SPTLC3: variants seen among roughly 807,000 people sequenced by gnomAD.
SPTLC3 encodes serine palmitoyltransferase long chain base subunit 3.
SPTLC3 carries 36 observed loss-of-function variants against 59.3 expected under a neutral mutation model. The ratio of observed to expected loss-of-function variants is 0.61; its 90% confidence interval spans 0.47 to 0.80. SPTLC3 has a LOEUF of 0.80. SPTLC3 is among the 30% of genes least tolerant of loss of function. The probability of loss-of-function intolerance (pLI) is 0.00; values close to 1 mark genes in which losing one functional copy is unlikely to be tolerated. For synonymous variants in SPTLC3, 257 were observed against 240.8 expected (o/e 1.07, Z -0.62); for missense variants, 625 against 685.1 (o/e 0.91, Z 0.98).
intron 4 of SPTLC3, among the ~76,000 whole-genome samples, chr20:13,081,113 C>T (rs977946515): frequency 6.6e-6 from 1 of 152,138 alleles, no homozygotes; most frequent in Non-Finnish European, 1.5e-5. Context: ...TTGAGGACAG[C>T]TTCCCAGGAC....
intron 1 of SPTLC3, among the ~76,000 whole-genome samples, chr20:13,037,906 A>C (rs1568573095): frequency 6.6e-6 from 1 of 151,994 alleles, no homozygotes. Flanking sequence ...GAAGAGAGAG[A>C]TGGATGAGAC....
intron 8 of SPTLC3, among the ~76,000 whole-genome samples, chr20:13,124,055 C>T (rs2037930180): frequency 6.6e-6 from 1 of 152,210 alleles, no homozygotes; most frequent in Non-Finnish European, 1.5e-5. Context: ...TCCGGATACC[C>T]TGTGGCTGAT....
chr20:13,139,284 T>A (rs1285285886), intron 9 of SPTLC3, among the ~76,000 whole-genome samples: 1 of 152,226 alleles, frequency 6.6e-6, no homozygotes, highest in African/African-American at 2.4e-5. Flanking sequence ...TTTTGAGTCT[T>A]TGAAAATTTT....
chr20:13,052,262 C>A (rs553458795), intron 2 of SPTLC3, among the ~76,000 whole-genome samples: 1 of 152,102 alleles, frequency 6.6e-6, no homozygotes, highest in East Asian at 1.9e-4. Context: ...ACCTGGGAAG[C>A]GCAAGGGGTT....
In SPTLC3 at chr20:13,166,991, A is replaced by C. The variant is rs2038992160; in HGVS notation, c.*2124A>C. 1 of 152,210 alleles carries C rather than the reference A, an allele frequency of 6.6e-6. No homozygotes were observed. Among genetic ancestry groups the C allele is most frequent in the Non-Finnish European group, 1.5e-5 (1 of 68,040 alleles). 9.4% of individuals were successfully genotyped at this position (152,210 alleles called of 1,614,324 possible). On this transcript the variant is annotated 3_prime_UTR_variant, in exon 12 of 12. Transcript: ENST00000399002. ...TACAGGGGCAATTTATTACACTGCA[A>C]TGTACAAAACAAAAGGACCTGTTTC...
At chr20:13,032,882 T>G (rs1010688364) in intron 1 of SPTLC3, among the ~76,000 whole-genome samples, 1 of 152,138 alleles carries the variant, frequency 6.6e-6, no homozygotes, top group Non-Finnish European at 1.5e-5. Context: ...TCTTATGAAC[T>G]GACCTGATTA....
intron 9 of SPTLC3, among the ~76,000 whole-genome samples, chr20:13,141,744 G>C (rs1344609177): frequency 6.6e-6 from 1 of 152,208 alleles, no homozygotes; most frequent in African/African-American, 2.4e-5. Context: ...ATGGTTTCAG[G>C]CCCCTGGCAT....
intron 7 of SPTLC3, among the ~76,000 whole-genome samples, chr20:13,112,270 C>T (rs1160242743): frequency 1.3e-5 from 2 of 152,214 alleles, no homozygotes; most frequent in African/African-American, 4.8e-5. Context: ...ACTTGCACAT[C>T]TGGCCCTCGG....
At chr20:13,099,884 C>T (rs577589346) in intron 6 of SPTLC3, among the ~76,000 whole-genome samples, 37 of 152,294 alleles carry the variant, frequency 2.4e-4, no homozygotes, top group Admixed American at 2.1e-3. Context: ...CACAACCAGT[C>T]CAGATAGAAG....
At chr20:13,032,451 T>C (rs1218782541) in intron 1 of SPTLC3, among the ~76,000 whole-genome samples, 1 of 152,206 alleles carries the variant, frequency 6.6e-6, no homozygotes, top group Non-Finnish European at 1.5e-5. Flanking sequence ...CTTACCCTGC[T>C]ATCAAAGGCG....
intron 2 of SPTLC3, among the ~76,000 whole-genome samples, chr20:13,062,577 T>G (rs1315499798): frequency 6.6e-6 from 1 of 152,198 alleles, no homozygotes; most frequent in African/African-American, 2.4e-5. Flanking sequence ...AAACTAATGT[T>G]TTCTTCTTTT....
chr20:13,149,090 T>C (rs1258614388), intron 9 of SPTLC3, among the ~76,000 whole-genome samples: 1 of 152,232 alleles, frequency 6.6e-6, no homozygotes, highest in Non-Finnish European at 1.5e-5. Context: ...AACAGCCTCC[T>C]CAGAGAATCC....
chr20:13,011,006 G>A (rs1985212433), intron 1 of SPTLC3, among the ~76,000 whole-genome samples: 1 of 152,150 alleles, frequency 6.6e-6, no homozygotes. Context: ...GAAAACATCA[G>A]GGCTGCTGTT....
At chr20:13,110,483 A>G (rs1008812619) in intron 7 of SPTLC3, among the ~76,000 whole-genome samples, 1 of 152,112 alleles carries the variant, frequency 6.6e-6, no homozygotes, top group African/African-American at 2.4e-5. Context: ...TGCTAACTTG[A>G]GTTGATCTTT....
At chr20:13,023,640 T>A (rs565493541) in intron 1 of SPTLC3, among the ~76,000 whole-genome samples, 1 of 152,328 alleles carries the variant, frequency 6.6e-6, no homozygotes, top group South Asian at 2.1e-4. Context: ...ACAGGTTTCT[T>A]AAGCTTTGTT....
chr20:13,093,635 A>G (rs1989309915), intron 6 of SPTLC3, 58 bp downstream of exon 6: 1 of 1,497,028 alleles, frequency 6.7e-7, no homozygotes, highest in East Asian at 2.3e-5. Context: ...GAAAGTAAAG[A>G]TTATTGATGA....
At chr20:13,087,918 C>CA (rs535070415) in intron 4 of SPTLC3, among the ~76,000 whole-genome samples, 54 of 152,140 alleles carry the variant, frequency 3.5e-4, no homozygotes, top group Non-Finnish European at 2.4e-4. Flanking sequence ...AGATGAAGGG[C>CA]AAAAAATGGT....
rs1210029888 is a variant in SPTLC3, at chr20:13,060,091, GA to G, written c.303+10969del. ...AATAATCTTGCTTCTATCAACTACA[GA>G]AAAAAAATAAGCTTTTAAAGAATTA... is the stretch of plus-strand genomic sequence containing the variant. On this transcript the variant is annotated intron_variant, in intron 2 of 11. Transcript: ENST00000399002. Among the ~76,000 whole-genome samples the G allele has an allele frequency of 5.3e-5, 8 of 151,662 alleles. No homozygotes were observed. In the South Asian group the frequency reaches 1.3e-3, roughly 24 times the overall value.
chr20:13,043,174 G>T (rs886688837), intron 1 of SPTLC3, among the ~76,000 whole-genome samples: 1 of 152,192 alleles, frequency 6.6e-6, no homozygotes, highest in Non-Finnish European at 1.5e-5. Context: ...TCTTGATCAT[G>T]ATGTGGAAAA....
Sources: gnomAD v4.1 joint callset for allele counts (sites outside exome capture counted in the v4.1 genomes callset) on GRCh38, gnomAD v4.1.1 for gene constraint, MANE v1.5 for transcripts, NCBI Gene and HGNC (gene_info 2026-07-23, HGNC 2026-07-21) for gene names.